The following RENBP variants were observed in gnomAD, a reference collection of about 807,000 sequenced individuals.
RENBP encodes renin binding protein.
RENBP carries 16 observed loss-of-function variants against 37.8 expected under a neutral mutation model. The observed-to-expected ratio is 0.42, with a 90% confidence interval of 0.29 to 0.64. The LOEUF is 0.64. Among genes scored for constraint, RENBP ranks in the 30% least tolerant of loss-of-function variants. RENBP has a pLI of 0.19. For missense variants in RENBP, 347 were observed against 379.5 expected, an observed-to-expected ratio of 0.91 and a Z score of 0.71; for synonymous variants, 170 against 154.8, an observed-to-expected ratio of 1.10 and a Z score of -0.73.
Position 153,941,950 on chromosome X carries a change from C to CCCCCGGGGGGGGG in RENBP, c.768_769insCCCCCCCCCGGGG (p.Gly257ProfsTer32). The CCCCCGGGGGGGGG allele has an allele frequency of 1.8e-6, 2 of 1,130,622 alleles. No individual in the cohort carries two copies. Among genetic ancestry groups the CCCCCGGGGGGGGG allele is most frequent in the Non-Finnish European group, 2.4e-6 (2 of 823,191 alleles). The allele number at this position is 1,130,622 out of a possible 1,213,427, so 93.2% of individuals were successfully genotyped here. ...GCCCCCAGCCCACCCCGCCCCTCAC[C>CCCCCGGGGGGGGG]TGGGTTCTGCTGTCTCCCCAGGCAG... On this transcript the variant is annotated frameshift_variant and splice_region_variant, in exon 7 of 11. Transcript: ENST00000393700. LOFTEE classifies it high-confidence loss of function.
At position 153,941,609 on chromosome X, in the gene RENBP, G is replaced by A. The variant is rs1284142863; in HGVS notation, c.814C>T (p.Arg272Trp). The change falls in exon 8 of 11, where the codon CGG becomes TGG. Residue 272 changes from arginine (R) to tryptophan (W), a missense_variant. By Grantham distance (101) the Arg-to-Trp change is moderately radical. This residue lies in a region of RENBP where 244 missense variants were observed against 279.4 expected (regional missense o/e 0.87). Transcript: ENST00000393700. ...GCTCGAAGTTCGGGGTCGCCTTTCC[G>A]AATGCAATGACGGAGCAGAAACCAG... is the stretch of plus-strand genomic sequence containing the variant. ...AGWFLLRHCI[R>W]KGDPELRAHV... The A allele has an allele frequency of 5.0e-6, 6 of 1,200,214 alleles. No homozygotes were observed. The highest frequency in any genetic ancestry group is 3.5e-5 in the South Asian group (2 of 56,382).
chrX:153,942,493 T>C (rs1297309930), intron 6 of RENBP: 3 of 243,799 alleles, frequency 1.2e-5, no homozygotes, highest in Non-Finnish European at 2.2e-5. Flanking sequence ...CGCCTCAGCC[T>C]CCCAAACTGC....
intron 5 of RENBP, 36 bp downstream of exon 5, chrX:153,943,510 G>C (rs782744178): frequency 1.6e-5 from 19 of 1,178,747 alleles, no homozygotes; most frequent in Non-Finnish European, 2.2e-5. Flanking sequence ...CAGGGTCGCA[G>C]GGTGGGGTCT....
At chrX:153,941,326 C>T (rs2065225194) in intron 8 of RENBP, 152 bp downstream of exon 8, 2 of 540,876 alleles carry the variant, frequency 3.7e-6, no homozygotes, top group Admixed American at 3.6e-5. Flanking sequence ...GTCTGGATCA[C>T]GACCCCTTTC....
intron 2 of RENBP, 37 bp downstream of exon 2, chrX:153,944,272 A>G: frequency 8.4e-7 from 1 of 1,184,161 alleles, no homozygotes. Flanking sequence ...AGGAAGGGCA[A>G]AAACCCTGCT....
Position 153,935,584 on chromosome X carries a change from A to G in RENBP, c.1078-8T>C, listed in dbSNP as rs1416617846. On this transcript the variant is annotated splice_polypyrimidine_tract_variant and splice_region_variant and intron_variant, in intron 9 of 10. Coordinates refer to ENST00000393700, the MANE Select transcript of RENBP (RefSeq NM_002910.6). The stretch of plus-strand genomic sequence containing the variant: ...GTACTCGGGATCGCGAAACTGGAAT[A>G]ACAGAGACAGTGACAGCTAGCGCCT... 1 of 1,199,180 alleles carries G rather than the reference A, an allele frequency of 8.3e-7. No homozygotes were observed. The highest frequency in any genetic ancestry group is 3.0e-5 in the East Asian group (1 of 33,768).
intron 9 of RENBP, among the ~76,000 whole-genome samples, chrX:153,938,130 C>T (rs2065211032): frequency 8.9e-6 from 1 of 112,203 alleles, no homozygotes; most frequent in Non-Finnish European, 1.9e-5. Flanking sequence ...AACTGGTGGC[C>T]CCTAACACAC....
At position 153,941,584 on chromosome X, in the gene RENBP, G is replaced by C; in HGVS notation, c.839C>G (p.Ala280Gly). ...CAATAGGAACTTGTCAATCACGTGG[G>C]CTCGAAGTTCGGGGTCGCCTTTCCG... is the stretch of plus-strand genomic sequence containing the variant. ...CIRKGDPELRAHVIDKFLLLP... is the reference protein window; with the variant it reads ...CIRKGDPELRGHVIDKFLLLP... The change falls in exon 8 of 11, where the codon GCC becomes GGC. Residue 280 changes from alanine to glycine, a missense_variant. By Grantham distance (60) the Ala-to-Gly change is moderately conservative. Around this residue, in one of 3 missense-constraint regions of RENBP, gnomAD observed 244 missense variants for 279.4 expected, o/e 0.87. Transcript: ENST00000393700. 1 of 1,209,012 alleles carries C rather than the reference G, an allele frequency of 8.3e-7. No homozygotes were observed. The highest frequency in any genetic ancestry group is 1.1e-6 in the Non-Finnish European group (1 of 894,622).
intron 5 of RENBP, 89 bp from the exon 6 acceptor site, chrX:153,943,168 T>C: frequency 1.4e-6 from 1 of 702,460 alleles, no homozygotes; most frequent in Non-Finnish European, 2.0e-6. Flanking sequence ...GGAGAGCCAA[T>C]TCCTCTCCTG....
chrX:153,941,387 C>T, intron 8 of RENBP, 91 bp downstream of exon 8: 1 of 967,652 alleles, frequency 1.0e-6, no homozygotes, highest in South Asian at 2.2e-5. Context: ...TCCAATCCAG[C>T]CCCAGGTTAC....
chrX:153,938,396 C>T (rs1557108912), intron 9 of RENBP, among the ~76,000 whole-genome samples: 1 of 112,499 alleles, frequency 8.9e-6, no homozygotes, highest in Non-Finnish European at 1.9e-5. Context: ...TCTCCGCCCC[C>T]GGTTTCGAAG....
rs782171873 is a variant in RENBP, at chrX:153,941,861, C to A, written c.769+89G>T. ...GCTCCTCTGCCTCCTCAAGGCGCCC[C>A]CGCCAGGCACTCCCATATCTGAAGC... is the stretch of plus-strand genomic sequence containing the variant. On this transcript the variant is annotated intron_variant, in intron 7 of 10. Coordinates refer to ENST00000393700, the MANE Select transcript of RENBP (RefSeq NM_002910.6). 2.6e-5 allele frequency: 23 copies of A among 899,037 alleles called. No homozygotes were observed. The South Asian group carries it at 4.2e-4, about 16-fold the overall frequency. 74.1% of individuals were successfully genotyped at this position (899,037 alleles called of 1,213,427 possible).
Position 153,944,005 on chromosome X carries a change from C to T in RENBP, c.214-35G>A, listed in dbSNP as rs782799467. Reference sequence around the variant, plus strand: ...ACGGGAGGGAAAGTGGCTTAAGTGGCCGGCTGGGGTGAGGTGGGGAGACCT... The same window carrying T: ...ACGGGAGGGAAAGTGGCTTAAGTGGTCGGCTGGGGTGAGGTGGGGAGACCT... On this transcript the variant is annotated intron_variant, in intron 3 of 10. Transcript: ENST00000393700. The T allele has an allele frequency of 4.2e-5, 50 of 1,203,285 alleles. No homozygotes were observed. The East Asian group carries it at 1.4e-3, about 34-fold the overall frequency.
intron 9 of RENBP, among the ~76,000 whole-genome samples, chrX:153,938,768 G>A (rs1386309137): frequency 1.9e-5 from 2 of 103,498 alleles, no homozygotes; most frequent in Admixed American, 2.1e-4. Flanking sequence ...ATAGATCTCA[G>A]CAGCATCTGT....
chrX:153,944,556 C>T, intron 1 of RENBP, 28 bp downstream of exon 1: 2 of 1,169,279 alleles, frequency 1.7e-6, no homozygotes. Context: ...TCCAAGACAG[C>T]ACTCCCCCCA....
chrX:153,939,962 T>C (rs1280705484), intron 9 of RENBP, 140 bp downstream of exon 9: 2 of 788,463 alleles, frequency 2.5e-6, no homozygotes, highest in South Asian at 2.6e-5. Flanking sequence ...CTTCGTTGAC[T>C]GAACGAACAG....
rs2065229339 is a variant in RENBP, at chrX:153,942,039, G to C, written c.688-8C>G. The C allele has an allele frequency of 1.7e-6, 2 of 1,172,903 alleles. No homozygotes were observed. The highest frequency in any genetic ancestry group is 1.8e-5 in the African/African-American group (1 of 55,320). ...CACAGCTTGTCCATCCCTCTACCGG[G>C]AAGGAGCAGAAGGGAATGTTGCCTC... On this transcript the variant is annotated splice_region_variant and splice_polypyrimidine_tract_variant and intron_variant, in intron 6 of 10. Coordinates refer to ENST00000393700, the MANE Select transcript of RENBP (RefSeq NM_002910.6).
rs1163175173 is a variant in RENBP, at chrX:153,942,042, G to A, written c.688-11C>T. The A allele has an allele frequency of 1.7e-6, 2 of 1,173,451 alleles. No individual in the cohort carries two copies. Among genetic ancestry groups the A allele is most frequent in the African/African-American group, 3.6e-5 (2 of 56,325 alleles). On this transcript the variant is annotated splice_polypyrimidine_tract_variant and intron_variant, in intron 6 of 10. Coordinates refer to ENST00000393700, the MANE Select transcript of RENBP (RefSeq NM_002910.6). ...AGCTTGTCCATCCCTCTACCGGGAA[G>A]GAGCAGAAGGGAATGTTGCCTCCAG...
rs781995371 is a variant in RENBP, at chrX:153,944,374, G to A, written c.72C>T (p.Arg24=). 5 of 1,211,274 alleles carry A rather than the reference G, an allele frequency of 4.1e-6. No individual in the cohort carries two copies. The South Asian group carries it at 5.3e-5, about 13-fold the overall frequency. The stretch of plus-strand genomic sequence containing the variant: ...CCACGCGGTCCAGCTCCTGCCCCAC[G>A]CGCTCCTTCCAGGCCTGCAGAGTCT... ...ERETLQAWKE[R]VGQELDRVVA... The change falls in exon 2 of 11, where the codon CGC becomes CGT. Residue 24 remains arginine (R), a synonymous_variant. Coordinates refer to ENST00000393700, the MANE Select transcript of RENBP (RefSeq NM_002910.6).
Sources: allele counts gnomAD v4.1 joint callset (sites outside exome capture counted in the v4.1 genomes callset), GRCh38; gene constraint gnomAD v4.1.1; regional missense constraint gnomAD v4.1.1; transcripts MANE v1.5; gene names NCBI Gene and HGNC (gene_info 2026-07-23, HGNC 2026-07-21).